NFIX: variants seen among roughly 807,000 people sequenced by gnomAD.
NFIX encodes nuclear factor I X, also known as nuclear factor 1 X-type.
NFIX carries 2 observed loss-of-function variants against 53.3 expected under a neutral mutation model. The ratio of observed to expected loss-of-function variants is 0.04; its 90% confidence interval spans 0.02 to 0.12. The LOEUF is 0.12. Among genes scored for constraint, NFIX ranks in the 10% least tolerant of loss-of-function variants. NFIX has a pLI of 1.00. For missense variants in NFIX, 310 were observed against 674.5 expected (o/e 0.46, Z 5.99); for synonymous variants, 244 against 289.0 (o/e 0.84, Z 1.58).
At position 12,996,592 on chromosome 19, in the gene NFIX, G is replaced by GC. The variant is rs1599691936; in HGVS notation, c.27+735dup. Among the ~76,000 whole-genome samples the GC allele has an allele frequency of 2.0e-5, 3 of 152,164 alleles. No homozygotes were observed. The highest frequency in any genetic ancestry group is 4.1e-4 in the South Asian group (2 of 4,824). On this transcript the variant is annotated intron_variant, in intron 1 of 10. Transcript: ENST00000592199. This position sits in a 1 kb window ranked among gnomAD's most constrained non-coding sequence, Gnocchi z 5.2. ...TCCGACCCCGGACGTCGCAGCCTCT[G>GC]CCCCCCCACCCCCAAACTTTCCTCG...
intron 10 of NFIX, among the ~76,000 whole-genome samples, chr19:13,092,422 T>C (rs2018197828): frequency 6.6e-6 from 1 of 152,142 alleles, no homozygotes; most frequent in Non-Finnish European, 1.5e-5. Context: ...ACTCCAGACC[T>C]GGAACCAGAG....
intron 1 of NFIX, chr19:13,023,927 C>A: frequency 1.5e-6 from 1 of 673,872 alleles, no homozygotes; most frequent in Non-Finnish European, 2.6e-6. Flanking sequence ...CCTTCCTCCC[C>A]TGCTCCTCCT....
chr19:13,025,165 G>C lies in NFIX; in HGVS notation c.172G>C (p.Asp58His). The C allele has an allele frequency of 6.2e-7, 1 of 1,614,218 alleles. No homozygotes were observed. Among genetic ancestry groups the C allele is most frequent in the Non-Finnish European group, 8.5e-7 (1 of 1,180,042 alleles). The change falls in exon 2 of 11, where the codon GAC becomes CAC. Residue 58 changes from aspartate (D) to histidine (H), a missense_variant. By Grantham distance (81) the Asp-to-His change is moderately conservative. Transcript: ENST00000592199. This position sits in a 1 kb window ranked among gnomAD's most constrained non-coding sequence, Gnocchi z 7.5. ...MSKDEERAVK[D>H]ELLGEKPEIK... ...GAAGGACGAGGAGCGGGCGGTGAAG[G>C]ACGAGCTGCTGGGCGAGAAGCCCGA...
chr19:12,998,749 G>A lies in NFIX; in HGVS notation c.27+2885G>A, dbSNP rs2011561674. On this transcript the variant is annotated intron_variant, in intron 1 of 10. Coordinates refer to ENST00000592199, the MANE Select transcript of NFIX (RefSeq NM_001365902.3). This position sits in a 1 kb window ranked among gnomAD's most constrained non-coding sequence, Gnocchi z 4.4. ...ACCATCGACGAGCCTACAGACCTAC[G>A]GACACAGGAAACCGACGACTTGTGT... 6.6e-6 allele frequency among the ~76,000 whole-genome samples: 1 copy of A among 152,108 alleles called. No individual in the cohort carries two copies. Among genetic ancestry groups the A allele is most frequent in the South Asian group, 2.1e-4 (1 of 4,822 alleles).
At chr19:13,044,442 G>GT (rs1432149896) in intron 2 of NFIX, among the ~76,000 whole-genome samples, 1 of 152,158 alleles carries the variant, frequency 6.6e-6, no homozygotes, top group Non-Finnish European at 1.5e-5. Flanking sequence ...CTGTGTACAA[G>GT]TATGGGTTGG....
intron 2 of NFIX, among the ~76,000 whole-genome samples, chr19:13,039,220 A>ACCCC (rs766690895): frequency 0.01 from 1,370 of 135,496 alleles, 32 homozygotes; most frequent in African/African-American, 0.04. Context: ...TAAATTAAAC[A>ACCCC]CCCCCCCCCA....
intron 2 of NFIX, among the ~76,000 whole-genome samples, chr19:13,058,970 C>A (rs533663831): frequency 6.6e-6 from 1 of 152,162 alleles, no homozygotes; most frequent in Non-Finnish European, 1.5e-5. Context: ...CCCGGAGCCA[C>A]CGTCTCACCT....
chr19:13,024,635 T>C, intron 1 of NFIX: 1 of 1,536,064 alleles, frequency 6.5e-7, no homozygotes, highest in Non-Finnish European at 8.7e-7. Context: ...CGATAGAACA[T>C]GGAGATGTCA....
Position 13,072,619 on chromosome 19 carries a change from CTT to C in NFIX, c.560-426_560-425del, listed in dbSNP as rs2016836819. On this transcript the variant is annotated intron_variant, in intron 2 of 10. Coordinates refer to ENST00000592199, the MANE Select transcript of NFIX (RefSeq NM_001365902.3). The surrounding 1 kb of genome is among the most constrained non-coding windows in gnomAD (Gnocchi z 4.0). Reference sequence around the variant, plus strand: ...CTCTGACTTCTCTCTTGGGACCCCTCTTTGCTCCTGACTCTTGGCCGGTGCTT... The same window carrying C: ...CTCTGACTTCTCTCTTGGGACCCCTCTGCTCCTGACTCTTGGCCGGTGCTT... 6.6e-6 allele frequency among the ~76,000 whole-genome samples: 1 copy of C among 152,246 alleles called. No homozygotes were observed. Among genetic ancestry groups the C allele is most frequent in the South Asian group, 2.1e-4 (1 of 4,834 alleles).
At chr19:13,032,203 G>C (rs1302909403) in intron 2 of NFIX, among the ~76,000 whole-genome samples, 1 of 152,220 alleles carries the variant, frequency 6.6e-6, no homozygotes, top group Non-Finnish European at 1.5e-5. Context: ...TCTCAGAGGA[G>C]TTGGCTCCCT....
At chr19:13,046,467 C>G (rs1376520883) in intron 2 of NFIX, among the ~76,000 whole-genome samples, 4 of 147,100 alleles carry the variant, frequency 2.7e-5, no homozygotes, top group South Asian at 2.1e-4. Context: ...CGTTGCCTTC[C>G]CCCCCCCTCT....
intron 1 of NFIX, 120 bp from the exon 2 acceptor site, chr19:13,024,901 C>T (rs2013199673): frequency 7.3e-7 from 1 of 1,378,058 alleles, no homozygotes; most frequent in Non-Finnish European, 9.9e-7. Flanking sequence ...GAGGAGAAGG[C>T]GGTTTTCCTT....
rs978645655 is a variant in NFIX at position 13,049,113 on chromosome 19, G to T, written c.559+23561G>T. ...AACAAAACAAAAATTAGCCATGCACGGTGGTGGCGTGCATTTGTAATCCTA... is the reference window on the plus strand; with the variant it reads ...AACAAAACAAAAATTAGCCATGCACTGTGGTGGCGTGCATTTGTAATCCTA... On this transcript the variant is annotated intron_variant, in intron 2 of 10. Transcript: ENST00000592199. The surrounding 1 kb of genome is among the most constrained non-coding windows in gnomAD (Gnocchi z 4.5). Among the ~76,000 whole-genome samples, 1 of 151,702 alleles carries T rather than the reference G, an allele frequency of 6.6e-6. No individual in the cohort carries two copies. Among genetic ancestry groups the T allele is most frequent in the Non-Finnish European group, 1.5e-5 (1 of 67,898 alleles).
Position 13,098,561 on chromosome 19 carries a change from C to T in NFIX, c.*3912C>T, listed in dbSNP as rs2018603591. 1 of 150,804 alleles carries T rather than the reference C, an allele frequency of 6.6e-6. No individual in the cohort carries two copies. Among genetic ancestry groups the T allele is most frequent in the African/African-American group, 2.5e-5 (1 of 40,624 alleles). 9.3% of individuals were successfully genotyped at this position (150,804 alleles called of 1,614,324 possible). ...TCTTCTCTGCCCTCCACCCCCGTCT[C>T]TGCACTGAGATACATAAGAAACAAG... is the stretch of plus-strand genomic sequence containing the variant. On this transcript the variant is annotated 3_prime_UTR_variant, in exon 11 of 11. Transcript: ENST00000592199.
chr19:12,999,638 C>T (rs1349305647), intron 1 of NFIX, among the ~76,000 whole-genome samples: 1 of 152,204 alleles, frequency 6.6e-6, no homozygotes, highest in Non-Finnish European at 1.5e-5. Context: ...CGCTCTCAGA[C>T]ACGCAGCGAC....
intron 2 of NFIX, among the ~76,000 whole-genome samples, chr19:13,057,452 G>A (rs1346461493): frequency 1.3e-5 from 2 of 152,196 alleles, no homozygotes; most frequent in Non-Finnish European, 2.9e-5. Context: ...TTAGCTGTGT[G>A]CGAGGAGCCC....
rs2018307294 is a variant in NFIX at position 13,094,221 on chromosome 19, G to GCCACCC, written c.1495-410_1495-405dup. Among the ~76,000 whole-genome samples the GCCACCC allele has an allele frequency of 6.6e-6, 1 of 152,172 alleles. No homozygotes were observed. Among genetic ancestry groups the GCCACCC allele is most frequent in the African/African-American group, 2.4e-5 (1 of 41,440 alleles). ...GAAAGAAAACTCAGCAAGAAGCTGG[G>GCCACCC]CCACCCCCAACCCATTCCTAAAACC... On this transcript the variant is annotated intron_variant, in intron 10 of 10. Coordinates refer to ENST00000592199, the MANE Select transcript of NFIX (RefSeq NM_001365902.3). The surrounding 1 kb of genome is among the most constrained non-coding windows in gnomAD (Gnocchi z 4.3).
chr19:13,088,163 C>T lies in NFIX; in HGVS notation c.1402+27C>T, dbSNP rs1331154523. 3 of 1,536,058 alleles carry T rather than the reference C, an allele frequency of 2.0e-6. No individual in the cohort carries two copies. The highest frequency in any genetic ancestry group is 2.6e-6 in the Non-Finnish European group (3 of 1,146,532). On this transcript the variant is annotated intron_variant, in intron 9 of 10. Coordinates refer to ENST00000592199, the MANE Select transcript of NFIX (RefSeq NM_001365902.3). This position sits in a 1 kb window ranked among gnomAD's most constrained non-coding sequence, Gnocchi z 5.9. Reference sequence around the variant, plus strand: ...TAAGTGGACGATGAAACCGAAACCACAACGCCCAGCGTCCCCGGCCCGTCC... The same window carrying T: ...TAAGTGGACGATGAAACCGAAACCATAACGCCCAGCGTCCCCGGCCCGTCC...
intron 1 of NFIX, among the ~76,000 whole-genome samples, chr19:13,008,104 C>T (rs953029569): frequency 1.3e-5 from 2 of 152,216 alleles, no homozygotes; most frequent in African/African-American, 4.8e-5. Context: ...CAGGGCACTA[C>T]CCCTCAGCCC....
Sources: gnomAD v4.1 joint callset for allele counts (sites outside exome capture counted in the v4.1 genomes callset) on GRCh38, gnomAD v4.1.1 for gene constraint, Gnocchi (gnomAD v3.1) non-coding constraint, MANE v1.5 for transcripts, NCBI Gene and HGNC (gene_info 2026-07-23, HGNC 2026-07-21) for gene names.